The following FAM13C variants were observed in gnomAD, a reference collection of about 807,000 sequenced individuals.
The protein encoded by FAM13C is family with sequence similarity 13 member C, also known as protein FAM13C.
A neutral mutation model predicts 73.2 loss-of-function variants in FAM13C; 37 were observed. The ratio of observed to expected loss-of-function variants is 0.51; its 90% CI spans 0.39 to 0.67. The LOEUF (loss-of-function observed/expected upper bound fraction) is 0.67, where lower values mean the gene tolerates loss of function less well. FAM13C is among the 30% of genes least tolerant of loss of function. FAM13C has a pLI of 0.00. For synonymous variants in FAM13C, 246 were observed against 260.9 expected, an observed-to-expected ratio of 0.94 and a Z score of 0.55; for missense variants, 589 against 715.6, an observed-to-expected ratio of 0.82 and a Z score of 2.02.
chr10:59,357,324 C>A (rs1046524203), intron 1 of FAM13C, among the ~76,000 whole-genome samples: 3 of 152,180 alleles, frequency 2.0e-5, no homozygotes, highest in African/African-American at 7.2e-5. Context: ...CTATATCTCA[C>A]CACACATCAC....
At chr10:59,322,728 T>C (rs1367357249) in intron 4 of FAM13C, among the ~76,000 whole-genome samples, 3 of 152,230 alleles carry the variant, frequency 2.0e-5, no homozygotes, top group South Asian at 2.1e-4. Context: ...GGAATAATAG[T>C]TGACTTTCTT....
intron 4 of FAM13C, among the ~76,000 whole-genome samples, chr10:59,304,619 G>A (rs1009942261): frequency 1.3e-5 from 2 of 151,748 alleles, no homozygotes; most frequent in African/African-American, 4.8e-5. Context: ...GTGGGAGGAG[G>A]GAGAGGATCA....
chr10:59,354,182 T>TA (rs1855415431), intron 2 of FAM13C, among the ~76,000 whole-genome samples: 1 of 152,210 alleles, frequency 6.6e-6, no homozygotes, highest in African/African-American at 2.4e-5. Flanking sequence ...CCCAAAATAA[T>TA]ACCTGAACTT....
At chr10:59,341,132 T>C (rs909440161) in intron 3 of FAM13C, among the ~76,000 whole-genome samples, 1 of 152,078 alleles carries the variant, frequency 6.6e-6, no homozygotes, top group Admixed American at 6.5e-5. Context: ...GTAGGGTCAG[T>C]GTTTCCTGGA....
At chr10:59,247,924 T>C (rs1228171175) in intron 13 of FAM13C, 187 bp from the exon 14 acceptor site, 2 of 583,074 alleles carry the variant, frequency 3.4e-6, no homozygotes, top group East Asian at 6.2e-5. Flanking sequence ...TTCTAAATAA[T>C]AGTAACCTTT....
At chr10:59,261,716 A>T (rs1842522951) in intron 10 of FAM13C, among the ~76,000 whole-genome samples, 1 of 152,164 alleles carries the variant, frequency 6.6e-6, no homozygotes, top group South Asian at 2.1e-4. Context: ...CAATCACGCC[A>T]GTCTTAGGGT....
At chr10:59,344,069 C>T (rs1436492081) in intron 3 of FAM13C, among the ~76,000 whole-genome samples, 6 of 149,144 alleles carry the variant, frequency 4.0e-5, no homozygotes, top group Non-Finnish European at 8.9e-5. Context: ...TCCCGCCATT[C>T]TTCTGCCTCA....
chr10:59,304,624 G>A (rs1490084736), intron 4 of FAM13C, among the ~76,000 whole-genome samples: 6 of 151,658 alleles, frequency 4.0e-5, no homozygotes, highest in Non-Finnish European at 5.9e-5. Context: ...AGGAGGGAGA[G>A]GATCAGGAAA....
chr10:59,255,592 A>G (rs1246549825), intron 10 of FAM13C, among the ~76,000 whole-genome samples: 1 of 152,078 alleles, frequency 6.6e-6, no homozygotes, highest in Non-Finnish European at 1.5e-5. Flanking sequence ...GTGGGAAGGG[A>G]ATAGTAGAAA....
At chr10:59,265,144 T>A (rs150862181) in intron 8 of FAM13C, among the ~76,000 whole-genome samples, 1 of 151,974 alleles carries the variant, frequency 6.6e-6, no homozygotes, top group East Asian at 1.9e-4. Context: ...GTACATGAGT[T>A]TAGGTATGCT....
chr10:59,259,091 T>C (rs768709461), intron 10 of FAM13C, among the ~76,000 whole-genome samples: 3 of 152,176 alleles, frequency 2.0e-5, no homozygotes, highest in African/African-American at 7.2e-5. Context: ...CAGGGGATGA[T>C]TAATTAATTT....
At chr10:59,313,204 T>C (rs1035600278) in intron 4 of FAM13C, among the ~76,000 whole-genome samples, 1 of 152,234 alleles carries the variant, frequency 6.6e-6, no homozygotes, top group Non-Finnish European at 1.5e-5. Flanking sequence ...ATCCATGGAC[T>C]AGGCCTGGTT....
Position 59,277,224 on chromosome 10 carries a change from C to T in FAM13C, c.592+6139G>A, listed in dbSNP as rs115771938. On this transcript the variant is annotated intron_variant, in intron 6 of 13. Coordinates refer to ENST00000618804, the MANE Select transcript of FAM13C (RefSeq NM_198215.4). ...AATCAGGTGTGGGATTTGGGGAGCTCTGATAGAATATACTGATATGACAAA... is the reference window on the plus strand; with the variant it reads ...AATCAGGTGTGGGATTTGGGGAGCTTTGATAGAATATACTGATATGACAAA... Among the ~76,000 whole-genome samples, 916 of 152,168 alleles carry T rather than the reference C, an allele frequency of 6.0e-3. 14 individuals carry two copies. Among genetic ancestry groups the T allele is most frequent in the African/African-American group, 0.021 (864 of 41,518 alleles).
At chr10:59,302,994 A>C (rs1354879797) in intron 4 of FAM13C, 130 bp from the exon 5 acceptor site, 2 of 722,000 alleles carry the variant, frequency 2.8e-6, no homozygotes, top group Non-Finnish European at 4.6e-6. Flanking sequence ...TGCCTGTAGA[A>C]TAAAATACAG....
In FAM13C at chr10:59,342,091, G is replaced by T. The variant is rs748581661; in HGVS notation, c.324+10179C>A. Among the ~76,000 whole-genome samples the T allele has an allele frequency of 2.0e-5, 3 of 152,160 alleles. No homozygotes were observed. The East Asian group carries it at 5.8e-4, about 29-fold the overall frequency. On this transcript the variant is annotated intron_variant, in intron 3 of 13. Coordinates refer to ENST00000618804, the MANE Select transcript of FAM13C (RefSeq NM_198215.4). ...CACAGAAGCTGGCTCATGAAAGTCA[G>T]CCTTCCTATTGACTTGATGACAGCC...
Position 59,279,400 on chromosome 10 carries a change from G to C in FAM13C, c.592+3963C>G, listed in dbSNP as rs935828470. Among the ~76,000 whole-genome samples, 4 of 152,266 alleles carry C rather than the reference G, an allele frequency of 2.6e-5. No homozygotes were observed. In the East Asian group the frequency reaches 7.7e-4, roughly 29 times the overall value. On this transcript the variant is annotated intron_variant, in intron 6 of 13. Transcript: ENST00000618804. ...AGAATTCTGCATGAGAATAATTGTA[G>C]ACTCTAAATAGACATACTACATTAG...
At chr10:59,325,067 T>A (rs1485004071) in intron 3 of FAM13C, among the ~76,000 whole-genome samples, 2 of 151,782 alleles carry the variant, frequency 1.3e-5, no homozygotes, top group African/African-American at 2.4e-5. Context: ...TTTAACCTAA[T>A]AAATGAGATA....
chr10:59,339,030 C>T (rs977336455), intron 3 of FAM13C, among the ~76,000 whole-genome samples: 1 of 152,142 alleles, frequency 6.6e-6, no homozygotes, highest in Non-Finnish European at 1.5e-5. Flanking sequence ...CCTTCCTTGC[C>T]TTTCCAGCTC....
intron 3 of FAM13C, among the ~76,000 whole-genome samples, chr10:59,344,284 CTT>C (rs112317127): frequency 4.2e-5 from 5 of 120,438 alleles, no homozygotes; most frequent in Admixed American, 1.7e-4. Context: ...TTCTTTTTTT[CTT>C]TTTTTTTTTT....
Sources: allele counts gnomAD v4.1 joint callset (sites outside exome capture counted in the v4.1 genomes callset), GRCh38; gene constraint gnomAD v4.1.1; transcripts MANE v1.5; gene names NCBI Gene and HGNC (gene_info 2026-07-23, HGNC 2026-07-21).